Variants in TBC1D19 observed in about 807,000 individuals in gnomAD.
The protein encoded by TBC1D19 is TBC1 domain family member 19, also known as TBC1 domain family, member 19.
A neutral mutation model predicts 89.0 loss-of-function variants in TBC1D19; 60 were observed. The observed-to-expected ratio is 0.67, with a 90% CI of 0.55 to 0.84. The LOEUF is 0.84. Ranked by LOEUF, TBC1D19 falls within the 40% of genes least tolerant of loss-of-function variation. The pLI, the probability that TBC1D19 is intolerant of heterozygous loss-of-function variation, is 0.00. For synonymous variants in TBC1D19, 189 were observed against 199.7 expected (o/e 0.95, Z 0.45); for missense variants, 500 against 610.8 (o/e 0.82, Z 1.91).
At chr4:26,735,329 G>C (rs868083850) in intron 15 of TBC1D19, 126 bp from the exon 16 acceptor site, 2 of 692,484 alleles carry the variant, frequency 2.9e-6, no homozygotes, top group Middle Eastern at 8.4e-4. Context: ...AAGTCTTTCT[G>C]ACATTTATGA....
intron 7 of TBC1D19, among the ~76,000 whole-genome samples, chr4:26,647,321 G>A (rs139788918): frequency 1.1e-4 from 16 of 152,226 alleles, no homozygotes; most frequent in Admixed American, 2.6e-4. Context: ...TATTCAAGTG[G>A]AACCCTTCAG....
chr4:26,748,303 G>A (rs1277468850), intron 18 of TBC1D19, 108 bp from the exon 19 acceptor site: 1 of 737,760 alleles, frequency 1.4e-6, no homozygotes. Context: ...TAAATGCCCA[G>A]GTGATTTCTA....
intron 18 of TBC1D19, 77 bp downstream of exon 18, chr4:26,742,676 C>T: frequency 9.6e-7 from 1 of 1,045,344 alleles, no homozygotes; most frequent in Non-Finnish European, 1.4e-6. Context: ...AGAGCACTTG[C>T]AAATACGTAA....
intron 18 of TBC1D19, 109 bp downstream of exon 18, chr4:26,742,708 AC>A: frequency 1.5e-6 from 1 of 688,542 alleles, no homozygotes; most frequent in Middle Eastern, 2.6e-4. Context: ...CATTAAGCTA[AC>A]AGTTTTCCTA....
chr4:26,833,670 G>GTTTTGTGCT, the TBC1D19 span, among the ~76,000 whole-genome samples: 1 of 152,226 alleles, frequency 6.6e-6, no homozygotes, highest in Non-Finnish European at 1.5e-5. Context: ...AGCTGCCATG[G>GTTTTGTGCT]ATAATGGAAC....
chr4:26,779,098 C>T, the TBC1D19 span, among the ~76,000 whole-genome samples: 1 of 152,194 alleles, frequency 6.6e-6, no homozygotes, highest in African/African-American at 2.4e-5. Flanking sequence ...CTCATCTTCA[C>T]ATGCTGATTC....
chr4:26,794,463 A>T, the TBC1D19 span, among the ~76,000 whole-genome samples: 1 of 152,150 alleles, frequency 6.6e-6, no homozygotes, highest in Admixed American at 6.5e-5. Context: ...TTTAAAAATA[A>T]AAAAGGAGGT....
the TBC1D19 span, among the ~76,000 whole-genome samples, chr4:26,816,863 G>C: frequency 6.6e-6 from 1 of 152,170 alleles, no homozygotes; most frequent in African/African-American, 2.4e-5. Context: ...CATTTTAGTA[G>C]TATAAAAGTG....
At chr4:26,708,497 A>C (rs1476603869) in intron 13 of TBC1D19, among the ~76,000 whole-genome samples, 1 of 152,002 alleles carries the variant, frequency 6.6e-6, no homozygotes, top group Non-Finnish European at 1.5e-5. Context: ...TTGGATGTTT[A>C]TATTAATGTC....
At chr4:26,814,192 C>T in the TBC1D19 span, among the ~76,000 whole-genome samples, 5 of 152,274 alleles carry the variant, frequency 3.3e-5, no homozygotes, top group South Asian at 2.1e-4. Flanking sequence ...CCCTGTAAAA[C>T]GCACTGATTT....
chr4:26,852,287 C>G, the TBC1D19 span, among the ~76,000 whole-genome samples: 21 of 152,288 alleles, frequency 1.4e-4, no homozygotes, highest in Non-Finnish European at 7.3e-5. Flanking sequence ...GGTGTGGTGG[C>G]TCACACCTAT....
At chr4:26,773,153 C>G in the TBC1D19 span, among the ~76,000 whole-genome samples, 2 of 152,208 alleles carry the variant, frequency 1.3e-5, no homozygotes, top group Non-Finnish European at 2.9e-5. Flanking sequence ...TAATAGTCAC[C>G]ATTCTGACTG....
intron 7 of TBC1D19, among the ~76,000 whole-genome samples, chr4:26,647,807 C>T (rs1323713761): frequency 6.6e-6 from 1 of 152,044 alleles, no homozygotes; most frequent in Non-Finnish European, 1.5e-5. Flanking sequence ...CTGCATGTTC[C>T]CTCACTACTT....
the TBC1D19 span, among the ~76,000 whole-genome samples, chr4:26,791,641 T>C: frequency 6.6e-6 from 1 of 152,172 alleles, no homozygotes; most frequent in Non-Finnish European, 1.5e-5. Flanking sequence ...ATTCTGGATA[T>C]ATTTGGAACA....
At chr4:26,810,755 C>G in the TBC1D19 span, among the ~76,000 whole-genome samples, 1 of 152,158 alleles carries the variant, frequency 6.6e-6, no homozygotes, top group African/African-American at 2.4e-5. Flanking sequence ...TGCTATCAAG[C>G]CATTCTGTTC....
chr4:26,691,235 A>G (rs1281118145), intron 13 of TBC1D19, among the ~76,000 whole-genome samples: 2 of 152,222 alleles, frequency 1.3e-5, no homozygotes, highest in African/African-American at 4.8e-5. Context: ...ATAAACAAAG[A>G]AAGTCATTTC....
At chr4:26,650,821 T>G (rs1016193942) in intron 7 of TBC1D19, among the ~76,000 whole-genome samples, 19 of 152,234 alleles carry the variant, frequency 1.2e-4, no homozygotes, top group Non-Finnish European at 2.5e-4. Flanking sequence ...TACCTAGGTT[T>G]TCTTCTAGGG....
chr4:26,696,597 C>T (rs549629199), intron 13 of TBC1D19, among the ~76,000 whole-genome samples: 1 of 152,302 alleles, frequency 6.6e-6, no homozygotes, highest in Non-Finnish European at 1.5e-5. Flanking sequence ...AAATTGACCA[C>T]ATAGTTGGAA....
chr4:26,788,083 ACT>A, the TBC1D19 span, among the ~76,000 whole-genome samples: 3 of 152,060 alleles, frequency 2.0e-5, no homozygotes, highest in Admixed American at 6.5e-5. Flanking sequence ...ATCTGCTGTG[ACT>A]CACCCTTTCA....
Sources: allele counts gnomAD v4.1 joint callset (sites outside exome capture counted in the v4.1 genomes callset), GRCh38; gene constraint gnomAD v4.1.1; transcripts MANE v1.5; gene names NCBI Gene and HGNC (gene_info 2026-07-23, HGNC 2026-07-21).